Variants in CNST observed in about 807,000 individuals in gnomAD.
CNST encodes the protein consortin, connexin sorting protein.
In CNST, 39 loss-of-function variants were observed where a neutral mutation model predicts 72.4. That is an observed-to-expected ratio of 0.54 (90% confidence interval 0.42 to 0.70). The LOEUF is 0.70. Among genes scored for constraint, CNST ranks in the 30% least tolerant of loss-of-function variants. CNST has a pLI of 0.00. For missense variants in CNST, 871 were observed against 868.5 expected, an observed-to-expected ratio of 1.00 and a Z score of -0.04; for synonymous variants, 332 against 320.1, an observed-to-expected ratio of 1.04 and a Z score of -0.40.
intron 9 of CNST, among the ~76,000 whole-genome samples, chr1:246,651,881 G>A (rs1177482545): frequency 1.3e-5 from 2 of 152,008 alleles, no homozygotes; most frequent in Non-Finnish European, 2.9e-5. Flanking sequence ...ACAACACATT[G>A]GAAAGATTTA....
intron 2 of CNST, among the ~76,000 whole-genome samples, chr1:246,600,693 C>T (rs529350673): frequency 4.6e-5 from 7 of 152,208 alleles, no homozygotes; most frequent in African/African-American, 1.7e-4. Flanking sequence ...AGAGAAAGAG[C>T]AAGTTTGGAG....
At chr1:246,658,790 C>T (rs556701880) in intron 9 of CNST, among the ~76,000 whole-genome samples, 3 of 152,318 alleles carry the variant, frequency 2.0e-5, no homozygotes, top group East Asian at 3.9e-4. Context: ...GCCCACAGTG[C>T]CTGCCTGTGT....
chr1:246,614,923 C>T (rs983936812), intron 2 of CNST, among the ~76,000 whole-genome samples: 7 of 152,028 alleles, frequency 4.6e-5, no homozygotes, highest in Admixed American at 1.3e-4. Context: ...GAATATCTGC[C>T]GATCAATGCT....
chr1:246,615,227 G>T (rs979722405), intron 2 of CNST, among the ~76,000 whole-genome samples: 8 of 152,226 alleles, frequency 5.3e-5, no homozygotes, highest in South Asian at 2.1e-4. Context: ...CCAGGCTGGA[G>T]CGCAGTGGCG....
At chr1:246,653,412 C>A (rs978201813) in intron 9 of CNST, among the ~76,000 whole-genome samples, 5 of 152,194 alleles carry the variant, frequency 3.3e-5, no homozygotes, top group Admixed American at 1.3e-4. Context: ...GGATCCGGAA[C>A]AAAAGAGGGT....
At chr1:246,586,530 A>G (rs181679530) in intron 1 of CNST, among the ~76,000 whole-genome samples, 31 of 150,950 alleles carry the variant, frequency 2.1e-4, no homozygotes, top group Non-Finnish European at 8.9e-5. Context: ...GTACACCACC[A>G]AAGTTTGGAG....
chr1:246,656,827 G>A (rs1408756986), intron 9 of CNST, among the ~76,000 whole-genome samples: 4 of 152,130 alleles, frequency 2.6e-5, no homozygotes, highest in African/African-American at 9.6e-5. Context: ...AGCTACAGGA[G>A]GCTAAGGTGG....
At chr1:246,571,659 A>T (rs947254582) in intron 1 of CNST, among the ~76,000 whole-genome samples, 2 of 152,206 alleles carry the variant, frequency 1.3e-5, no homozygotes, top group African/African-American at 4.8e-5. Flanking sequence ...ATTCTGAAAC[A>T]GTAAATGGTA....
intron 10 of CNST, among the ~76,000 whole-genome samples, chr1:246,664,718 A>G (rs113643248): frequency 0.039 from 5,919 of 152,042 alleles, 276 homozygotes; most frequent in African/African-American, 0.11. Context: ...GAGCCACCAC[A>G]CCCAGCCTTA....
At chr1:246,646,171 T>G (rs923862943) in intron 8 of CNST, among the ~76,000 whole-genome samples, 6 of 150,426 alleles carry the variant, frequency 4.0e-5, no homozygotes, top group Admixed American at 1.3e-4. Context: ...TCCCAGCTAC[T>G]CGGGAGGCTG....
At chr1:246,593,714 A>G (rs1022119955) in intron 2 of CNST, among the ~76,000 whole-genome samples, 1 of 152,108 alleles carries the variant, frequency 6.6e-6, no homozygotes, top group African/African-American at 2.4e-5. Flanking sequence ...AGTTTATTCT[A>G]TAACTATCAT....
At chr1:246,641,210 T>C (rs1325176807) in intron 6 of CNST, among the ~76,000 whole-genome samples, 1 of 152,232 alleles carries the variant, frequency 6.6e-6, no homozygotes, top group African/African-American at 2.4e-5. Flanking sequence ...ATTCTATTAT[T>C]AGTAGACTTT....
intron 9 of CNST, among the ~76,000 whole-genome samples, chr1:246,657,834 G>C (rs1049974513): frequency 6.6e-6 from 1 of 152,138 alleles, no homozygotes; most frequent in African/African-American, 2.4e-5. Context: ...CAACATGTTT[G>C]TTCCTATTTG....
chr1:246,566,858 C>T, intron 1 of CNST, 195 bp downstream of exon 1: 1 of 392,908 alleles, frequency 2.5e-6, no homozygotes, highest in Non-Finnish European at 4.5e-6. Context: ...CCTTTCTCAG[C>T]TACTGTGGGT....
At chr1:246,577,302 C>T (rs1018531162) in intron 1 of CNST, among the ~76,000 whole-genome samples, 1 of 151,988 alleles carries the variant, frequency 6.6e-6, no homozygotes, top group African/African-American at 2.4e-5. Context: ...ACCGCCCCAC[C>T]ACAGCGTCAC....
At position 246,634,516 on chromosome 1, in the gene CNST, A is replaced by G; in HGVS notation, c.747A>G (p.Leu249=). 19 of 1,609,214 alleles carry G rather than the reference A, an allele frequency of 1.2e-5. No homozygotes were observed. Among genetic ancestry groups the G allele is most frequent in the Non-Finnish European group, 1.6e-5 (19 of 1,178,968 alleles). ...TGCAACCACATACAGTTACGGCTCT[A>G]AGGAATTCAGAAAAGGGATTTAATG... ...KTVQPHTVTA[L]RNSEKGFNGE... The change falls in exon 6 of 11, where the codon CTA becomes CTG. Residue 249 remains leucine (L), a synonymous_variant. Transcript: ENST00000366513.
At chr1:246,595,596 A>G (rs931883591) in intron 2 of CNST, among the ~76,000 whole-genome samples, 1 of 152,178 alleles carries the variant, frequency 6.6e-6, no homozygotes, top group African/African-American at 2.4e-5. Context: ...TAAAGTTTCA[A>G]ATTTTTCAGA....
intron 1 of CNST, among the ~76,000 whole-genome samples, chr1:246,577,068 C>T (rs1263954694): frequency 1.3e-5 from 2 of 151,916 alleles, no homozygotes; most frequent in African/African-American, 2.4e-5. Flanking sequence ...TAGCTTTTGA[C>T]GGGACATTGC....
intron 2 of CNST, among the ~76,000 whole-genome samples, chr1:246,610,172 C>T (rs1663214205): frequency 6.6e-6 from 1 of 152,022 alleles, no homozygotes; most frequent in Non-Finnish European, 1.5e-5. Context: ...ATCCCAGCTA[C>T]TTGGGAGGCT....
Sources: allele counts gnomAD v4.1 joint callset (sites outside exome capture counted in the v4.1 genomes callset), GRCh38; gene constraint gnomAD v4.1.1; transcripts MANE v1.5; gene names NCBI Gene and HGNC (gene_info 2026-07-23, HGNC 2026-07-21).